The following CRACR2A variants were observed in gnomAD, a reference collection of about 807,000 sequenced individuals.
CRACR2A encodes the protein calcium release activated channel regulator 2A.
In CRACR2A, 79 loss-of-function variants were observed where a neutral mutation model predicts 90.5. That is an observed-to-expected ratio of 0.87 (90% CI 0.73 to 1.05). CRACR2A has a LOEUF of 1.05. Ranked by LOEUF, CRACR2A falls within the 50% of genes least tolerant of loss-of-function variation. The pLI is 0.00. For missense variants in CRACR2A, 823 were observed against 897.2 expected (o/e 0.92, Z 1.06); for synonymous variants, 338 against 356.7 (o/e 0.95, Z 0.59).
intron 8 of CRACR2A, among the ~76,000 whole-genome samples, chr12:3,658,555 C>T (rs894918955): frequency 2.5e-4 from 38 of 152,228 alleles, no homozygotes; most frequent in African/African-American, 8.9e-4. Context: ...CTCCAGAGGG[C>T]GCTAATTGGA....
At chr12:3,656,498 CA>C in intron 8 of CRACR2A, 92 bp from the exon 9 acceptor site, 1 of 1,098,078 alleles carries the variant, frequency 9.1e-7, no homozygotes, top group Non-Finnish European at 1.4e-6. Flanking sequence ...TACTCAACAT[CA>C]GGGCCCATCC....
intron 2 of CRACR2A, among the ~76,000 whole-genome samples, chr12:3,721,711 A>G (rs764655576): frequency 9.9e-5 from 15 of 152,192 alleles, no homozygotes; most frequent in Non-Finnish European, 1.9e-4. Context: ...ATAAGAAAAG[A>G]CATGTACACT....
At position 3,633,599 on chromosome 12, in the gene CRACR2A, C is replaced by A. The variant is rs751511440; in HGVS notation, c.1735+5G>T. ...CTAGGACCCACCTCAGGGATGAGAA[C>A]TCACCCACAGTGGCCGCCATGCCTG... On this transcript the variant is annotated splice_donor_5th_base_variant and intron_variant, in intron 15 of 19. Transcript: ENST00000440314. This position sits in a 1 kb window ranked among gnomAD's most constrained non-coding sequence, Gnocchi z 4.5. 6.4e-7 allele frequency: 1 copy of A among 1,551,656 alleles called. No homozygotes were observed. Among genetic ancestry groups the A allele is most frequent in the South Asian group, 1.2e-5 (1 of 84,056 alleles).
intron 6 of CRACR2A, among the ~76,000 whole-genome samples, chr12:3,675,577 A>G (rs1565485127): frequency 6.6e-6 from 1 of 152,232 alleles, no homozygotes; most frequent in African/African-American, 2.4e-5. Context: ...TGTTTATACT[A>G]TTATGACTAC....
chr12:3,705,100 G>A (rs1945896150), intron 3 of CRACR2A, among the ~76,000 whole-genome samples: 1 of 152,170 alleles, frequency 6.6e-6, no homozygotes, highest in Non-Finnish European at 1.5e-5. Context: ...TAGACCAACA[G>A]ACAGTAAGCA....
At chr12:3,684,076 T>C (rs887962658) in intron 4 of CRACR2A, among the ~76,000 whole-genome samples, 3 of 152,190 alleles carry the variant, frequency 2.0e-5, no homozygotes, top group African/African-American at 4.8e-5. Flanking sequence ...CCCAGTAACA[T>C]ACCCCATGTA....
intron 2 of CRACR2A, among the ~76,000 whole-genome samples, chr12:3,720,724 C>T (rs1946157531): frequency 2.0e-5 from 3 of 152,204 alleles, no homozygotes; most frequent in Admixed American, 6.5e-5. Flanking sequence ...TTCCAATCCT[C>T]GCTCAAGAGC....
chr12:3,692,901 G>T (rs1457447000), intron 4 of CRACR2A, among the ~76,000 whole-genome samples: 1 of 152,184 alleles, frequency 6.6e-6, no homozygotes, highest in Non-Finnish European at 1.5e-5. Flanking sequence ...TCAGGGCAGG[G>T]AAAGGTTTTG....
chr12:3,750,604 G>C (rs1180950535), intron 1 of CRACR2A, among the ~76,000 whole-genome samples: 1 of 152,182 alleles, frequency 6.6e-6, no homozygotes, highest in Non-Finnish European at 1.5e-5. Context: ...CTCACCTAAG[G>C]TATCATGGCA....
intron 4 of CRACR2A, among the ~76,000 whole-genome samples, chr12:3,682,048 TAGG>T (rs2137625616): frequency 6.6e-6 from 1 of 152,294 alleles, no homozygotes; most frequent in East Asian, 1.9e-4. Flanking sequence ...AAAGCTACAG[TAGG>T]AGAACACGGG....
At chr12:3,670,130 T>G (rs965644853) in intron 7 of CRACR2A, among the ~76,000 whole-genome samples, 5 of 152,184 alleles carry the variant, frequency 3.3e-5, no homozygotes, top group African/African-American at 1.2e-4. Flanking sequence ...GAGCCTGGCA[T>G]GGAGGGAGTG....
intron 1 of CRACR2A, among the ~76,000 whole-genome samples, chr12:3,737,684 A>G (rs1025657139): frequency 6.6e-6 from 1 of 152,148 alleles, no homozygotes; most frequent in Non-Finnish European, 1.5e-5. Flanking sequence ...TGGGTGGCCA[A>G]TGGGATGTAG....
chr12:3,655,988 C>G (rs1430504785), intron 9 of CRACR2A, among the ~76,000 whole-genome samples: 2 of 152,196 alleles, frequency 1.3e-5, no homozygotes, highest in East Asian at 3.8e-4. Flanking sequence ...GCATTCCCCT[C>G]TTTTCTTATA....
chr12:3,654,458 T>A lies in CRACR2A; in HGVS notation c.859-59A>T, dbSNP rs1591659993. ...AGTGACCACCATTTTCAGGAGGGCC[T>A]GCCCTGGCCTCACCTTGTTTTCTCT... On this transcript the variant is annotated intron_variant, in intron 9 of 19. Coordinates refer to ENST00000440314, the MANE Select transcript of CRACR2A (RefSeq NM_001144958.2). The A allele has an allele frequency of 2.7e-6, 4 of 1,497,838 alleles. No individual in the cohort carries two copies. In the African/African-American group the frequency reaches 5.6e-5, roughly 21 times the overall value. 92.8% of individuals were successfully genotyped at this position (1,497,838 alleles called of 1,614,324 possible).
At chr12:3,651,652 T>C (rs1374792852) in intron 10 of CRACR2A, among the ~76,000 whole-genome samples, 2 of 152,174 alleles carry the variant, frequency 1.3e-5, no homozygotes, top group Non-Finnish European at 2.9e-5. Flanking sequence ...TTCTTGCTGA[T>C]CAGTGACTAA....
chr12:3,685,807 A>G (rs977553094), intron 4 of CRACR2A, among the ~76,000 whole-genome samples: 1 of 152,344 alleles, frequency 6.6e-6, no homozygotes, highest in African/African-American at 2.4e-5. Context: ...GATAAATGAT[A>G]ATGGTGGTTG....
chr12:3,646,430 C>T (rs146537817), intron 11 of CRACR2A, among the ~76,000 whole-genome samples: 14 of 152,286 alleles, frequency 9.2e-5, no homozygotes, highest in African/African-American at 2.4e-4. Flanking sequence ...GTGGGCCAGG[C>T]GCTCCGCTAA....
At chr12:3,741,560 C>T (rs932088499) in intron 1 of CRACR2A, among the ~76,000 whole-genome samples, 3 of 152,166 alleles carry the variant, frequency 2.0e-5, no homozygotes, top group Non-Finnish European at 4.4e-5. Context: ...CCCTAAGGAA[C>T]ATGAAGGGCA....
intron 11 of CRACR2A, among the ~76,000 whole-genome samples, chr12:3,647,792 A>C (rs996948162): frequency 4.6e-5 from 7 of 152,222 alleles, no homozygotes; most frequent in African/African-American, 1.7e-4. Flanking sequence ...CACTTCAAAA[A>C]TCAGAACCCA....
Sources: allele counts gnomAD v4.1 joint callset (sites outside exome capture counted in the v4.1 genomes callset), GRCh38; gene constraint gnomAD v4.1.1; non-coding constraint Gnocchi (gnomAD v3.1); transcripts MANE v1.5; gene names NCBI Gene and HGNC (gene_info 2026-07-23, HGNC 2026-07-21).